Variants in PLCL1 observed in about 807,000 individuals in gnomAD.
PLCL1 encodes the protein phospholipase C like 1 (inactive).
Under a neutral mutation model 84.4 loss-of-function variants are expected in PLCL1, and 41 were observed. That is an observed-to-expected ratio of 0.49 (90% CI 0.38 to 0.63). The LOEUF (loss-of-function observed/expected upper bound fraction) is 0.63, where lower values mean the gene tolerates loss of function less well. PLCL1 is among the 30% of genes least tolerant of loss of function. The pLI is 0.00. For missense variants in PLCL1, 1,206 were observed against 1,367.8 expected, an observed-to-expected ratio of 0.88 and a Z score of 1.87; for synonymous variants, 490 against 488.3, an observed-to-expected ratio of 1.00 and a Z score of -0.05.
At chr2:197,833,434 T>C (rs1357647220) in intron 1 of PLCL1, among the ~76,000 whole-genome samples, 1 of 152,172 alleles carries the variant, frequency 6.6e-6, no homozygotes, top group African/African-American at 2.4e-5. Flanking sequence ...AAACCCCATC[T>C]TCTCTGCCCA....
intron 1 of PLCL1, among the ~76,000 whole-genome samples, chr2:197,817,111 A>G (rs1260833289): frequency 1.3e-5 from 2 of 152,124 alleles, no homozygotes; most frequent in Non-Finnish European, 2.9e-5. Context: ...GTCAGTTTTA[A>G]TTATCTATCT....
intron 3 of PLCL1, among the ~76,000 whole-genome samples, chr2:198,097,996 T>C: frequency 6.6e-6 from 1 of 152,350 alleles, no homozygotes; most frequent in Middle Eastern, 3.4e-3. Flanking sequence ...GAAATAATCT[T>C]CATTCTAGTT....
chr2:197,826,807 G>A (rs550857243), intron 1 of PLCL1, among the ~76,000 whole-genome samples: 1 of 152,268 alleles, frequency 6.6e-6, no homozygotes, highest in South Asian at 2.1e-4. Flanking sequence ...GCTTAAAAAT[G>A]TTTATTGAAT....
intron 1 of PLCL1, among the ~76,000 whole-genome samples, chr2:197,911,399 A>AT (rs1290824718): frequency 2.6e-5 from 4 of 151,858 alleles, no homozygotes; most frequent in African/African-American, 7.3e-5. Flanking sequence ...AAAAGAAAAT[A>AT]TTTTTTTCTT....
intron 1 of PLCL1, among the ~76,000 whole-genome samples, chr2:198,081,353 C>A (rs1046307319): frequency 6.6e-6 from 1 of 152,122 alleles, no homozygotes; most frequent in African/African-American, 2.4e-5. Context: ...TCACAGTTTT[C>A]TTCTTTATTT....
In PLCL1 at chr2:198,024,613, A is replaced by G. The variant is rs1365445875; in HGVS notation, c.241-59145A>G. On this transcript the variant is annotated intron_variant, in intron 1 of 5. Transcript: ENST00000428675. ...ACCCCAGCTGTACTAAAAATACAAA[A>G]TTAGCAAGGTGTGGTGACACATGCC... 4.6e-5 allele frequency among the ~76,000 whole-genome samples: 7 copies of G among 152,186 alleles called. No homozygotes were observed. The East Asian group carries it at 9.7e-4, about 21-fold the overall frequency.
chr2:197,886,624 A>G (rs891456939), intron 1 of PLCL1, among the ~76,000 whole-genome samples: 3 of 151,960 alleles, frequency 2.0e-5, no homozygotes, highest in African/African-American at 4.8e-5. Context: ...AAGAGTATGG[A>G]CATATTAAAA....
In PLCL1 at chr2:198,084,077, A is replaced by G; in HGVS notation, c.560A>G (p.Asp187Gly). The G allele has an allele frequency of 6.2e-7, 1 of 1,614,152 alleles. No homozygotes were observed. The highest frequency in any genetic ancestry group is 8.5e-7 in the Non-Finnish European group (1 of 1,179,994). Reference protein sequence around the residue: ...NNGLADQICEDCAFSILHGEN... With the variant: ...NNGLADQICEGCAFSILHGEN... ...GGCCTTGCTGACCAGATCTGTGAGGACTGTGCCTTTTCCATACTCCACGGG... is the reference window on the plus strand; with the variant it reads ...GGCCTTGCTGACCAGATCTGTGAGGGCTGTGCCTTTTCCATACTCCACGGG... Residue 187 changes from aspartate (D) to glycine (G), a missense_variant, in exon 2 of 6, where the codon GAC (aspartate) becomes GGC (glycine). Physicochemically the swap from Asp to Gly is moderately conservative, Grantham distance 94. Coordinates refer to ENST00000428675, the MANE Select transcript of PLCL1 (RefSeq NM_006226.4).
In PLCL1 at chr2:198,085,465, G is replaced by T; in HGVS notation, c.1948G>T (p.Asp650Tyr). The T allele has an allele frequency of 1.2e-6, 2 of 1,614,014 alleles. No individual in the cohort carries two copies. The highest frequency in any genetic ancestry group is 1.7e-6 in the Non-Finnish European group (2 of 1,179,878). Reference protein sequence around the residue: ...SRIYPSAMRIDSSNLNPQDFW... With the variant: ...SRIYPSAMRIYSSNLNPQDFW... The stretch of plus-strand genomic sequence containing the variant: ...AATCTATCCAAGTGCCATGAGGATC[G>T]ATTCCAGTAACTTGAATCCACAGGA... Residue 650 changes from aspartate (D) to tyrosine (Y), a missense_variant, in exon 2 of 6, where the codon GAT (aspartate) becomes TAT (tyrosine). Transcript: ENST00000428675. This position sits in a 1 kb window ranked among gnomAD's most constrained non-coding sequence, Gnocchi z 5.3.
At chr2:197,932,180 G>T (rs891015447) in intron 1 of PLCL1, among the ~76,000 whole-genome samples, 1 of 152,198 alleles carries the variant, frequency 6.6e-6, no homozygotes, top group African/African-American at 2.4e-5. Context: ...GTTACCATCT[G>T]ATGAGATGTG....
At chr2:198,020,222 A>G (rs1691099758) in intron 1 of PLCL1, among the ~76,000 whole-genome samples, 1 of 152,248 alleles carries the variant, frequency 6.6e-6, no homozygotes, top group Non-Finnish European at 1.5e-5. Context: ...CTGACTTACA[A>G]GAGCTCCTGA....
intron 1 of PLCL1, among the ~76,000 whole-genome samples, chr2:197,918,971 T>TCACACACACA (rs1553502312): frequency 2.8e-5 from 4 of 144,552 alleles, no homozygotes; most frequent in South Asian, 2.2e-4. Flanking sequence ...TCTCTCTCCC[T>TCACACACACA]CACACACACA....
At chr2:197,875,397 C>T (rs11899188) in intron 1 of PLCL1, among the ~76,000 whole-genome samples, 110,815 of 152,038 alleles carry the variant, frequency 0.73, 41,462 homozygotes, top group African/African-American at 0.91. Flanking sequence ...GAATTTAGGA[C>T]ATTTGTTGCT....
At chr2:198,048,379 C>T (rs980454322) in intron 1 of PLCL1, among the ~76,000 whole-genome samples, 1 of 152,134 alleles carries the variant, frequency 6.6e-6, no homozygotes, top group African/African-American at 2.4e-5. Flanking sequence ...CTCTTAGACC[C>T]TTTTATAAGG....
intron 5 of PLCL1, among the ~76,000 whole-genome samples, chr2:198,140,779 T>C: frequency 6.6e-6 from 1 of 152,140 alleles, no homozygotes; most frequent in East Asian, 1.9e-4. Context: ...GTGTCTTCTA[T>C]ACTTTATAAA....
At chr2:197,808,775 A>C (rs1690529896) in intron 1 of PLCL1, among the ~76,000 whole-genome samples, 1 of 152,252 alleles carries the variant, frequency 6.6e-6, no homozygotes, top group African/African-American at 2.4e-5. Flanking sequence ...ACTGAGCTAC[A>C]TGTGTATTTT....
intron 1 of PLCL1, among the ~76,000 whole-genome samples, chr2:197,858,620 C>T (rs1232339207): frequency 6.6e-6 from 1 of 152,114 alleles, no homozygotes; most frequent in Non-Finnish European, 1.5e-5. Flanking sequence ...GCCTCACAAC[C>T]CTAGGGTCTG....
chr2:198,015,718 C>T (rs938356258), intron 1 of PLCL1, among the ~76,000 whole-genome samples: 4 of 151,822 alleles, frequency 2.6e-5, no homozygotes, highest in Non-Finnish European at 4.4e-5. Flanking sequence ...ATGTGATATG[C>T]ATAGTGTAAG....
chr2:197,821,023 A>G (rs1690804860), intron 1 of PLCL1, among the ~76,000 whole-genome samples: 1 of 152,126 alleles, frequency 6.6e-6, no homozygotes, highest in Non-Finnish European at 1.5e-5. Flanking sequence ...GTAGATGATT[A>G]AGGTAGATTA....
Sources: allele counts gnomAD v4.1 joint callset (sites outside exome capture counted in the v4.1 genomes callset), GRCh38; gene constraint gnomAD v4.1.1; non-coding constraint Gnocchi (gnomAD v3.1); transcripts MANE v1.5; gene names NCBI Gene and HGNC (gene_info 2026-07-23, HGNC 2026-07-21).